Variants in TMC7 observed in about 807,000 individuals in gnomAD.
TMC7 encodes the protein transmembrane channel like 7, also known as transmembrane channel-like protein 7.
TMC7 carries 54 observed loss-of-function variants against 82.9 expected under a neutral mutation model. The ratio of observed to expected loss-of-function variants is 0.65; its 90% CI spans 0.52 to 0.82. The LOEUF (loss-of-function observed/expected upper bound fraction) is 0.82, where lower values mean the gene tolerates loss of function less well. Among genes scored for constraint, TMC7 ranks in the 40% least tolerant of loss-of-function variants. TMC7 has a pLI of 0.00. For synonymous variants in TMC7, 350 were observed against 337.9 expected (o/e 1.04, Z -0.39); for missense variants, 820 against 901.2 (o/e 0.91, Z 1.15).
At chr16:19,019,039 A>G (rs12149179) in intron 3 of TMC7, among the ~76,000 whole-genome samples, 53,023 of 152,036 alleles carry the variant, frequency 0.35, 9,694 homozygotes, top group African/African-American at 0.44. Context: ...TAGTAGAGAC[A>G]GGGTTTCACC....
In TMC7 at chr16:19,051,115, C is replaced by T. The variant is rs550944199; in HGVS notation, c.1741-571C>T. ...TATTCCGTGTTATCAATGACTGTAGCGTTAAACATCCACATACCTGTGTTT... is the reference window on the plus strand; with the variant it reads ...TATTCCGTGTTATCAATGACTGTAGTGTTAAACATCCACATACCTGTGTTT... On this transcript the variant is annotated intron_variant, in intron 12 of 15. Coordinates refer to ENST00000304381, the MANE Select transcript of TMC7 (RefSeq NM_024847.4). 7.2e-5 allele frequency among the ~76,000 whole-genome samples: 11 copies of T among 152,076 alleles called. No individual in the cohort carries two copies. The South Asian group carries it at 1.9e-3, about 26-fold the overall frequency.
chr16:18,990,389 C>T (rs1196012114), intron 1 of TMC7, among the ~76,000 whole-genome samples: 1 of 152,148 alleles, frequency 6.6e-6, no homozygotes, highest in Non-Finnish European at 1.5e-5. Flanking sequence ...CTGCCTCCTG[C>T]GTTCAAGCAA....
At chr16:19,026,256 C>CATG (rs1960221943) in intron 5 of TMC7, among the ~76,000 whole-genome samples, 1 of 151,622 alleles carries the variant, frequency 6.6e-6, no homozygotes, top group Non-Finnish European at 1.5e-5. Context: ...GCGGGTGGAT[C>CATG]ATGAGGTCAG....
At chr16:19,035,928 G>A in intron 7 of TMC7, 105 bp downstream of exon 7, 1 of 1,346,360 alleles carries the variant, frequency 7.4e-7, no homozygotes, top group Non-Finnish European at 1.0e-6. Flanking sequence ...GGGACAGGTT[G>A]TCCCTGGTAC....
At chr16:19,055,580 T>A (rs1049031848) in intron 13 of TMC7, among the ~76,000 whole-genome samples, 15 of 152,066 alleles carry the variant, frequency 9.9e-5, no homozygotes, top group African/African-American at 3.6e-4. Flanking sequence ...TTGGCCTCCA[T>A]CTCCTGACCT....
chr16:19,013,719 A>G (rs1473646636), intron 2 of TMC7, among the ~76,000 whole-genome samples: 76 of 151,582 alleles, frequency 5.0e-4, no homozygotes, highest in Non-Finnish European at 4.4e-5. Flanking sequence ...GGGTTTCACC[A>G]TGTTGGTTAG....
intron 13 of TMC7, among the ~76,000 whole-genome samples, chr16:19,052,839 A>G (rs1961598264): frequency 6.6e-6 from 1 of 151,964 alleles, no homozygotes; most frequent in South Asian, 2.1e-4. Context: ...CAGCCTCCCA[A>G]GTAGCTGGGA....
At chr16:19,037,843 T>C (rs1305705162) in intron 7 of TMC7, 31 bp from the exon 8 acceptor site, 2 of 1,598,904 alleles carry the variant, frequency 1.3e-6, no homozygotes, top group African/African-American at 1.3e-5. Flanking sequence ...TTCATCCCAC[T>C]GCTCACAAGT....
rs773576082 is a variant in TMC7, at chr16:19,009,285, A to G, written c.181A>G (p.Lys61Glu). The G allele has an allele frequency of 1.2e-6, 2 of 1,614,086 alleles. No homozygotes were observed. The highest frequency in any genetic ancestry group is 1.7e-6 in the Non-Finnish European group (2 of 1,180,056). ...RRRTTVHSRD[K>E]QSGTLLKPTD... ...GAGAACGACTGTCCATTCCCGGGAC[A>G]AGCAAAGCGGAACTTTGCTAAAGCC... is the stretch of plus-strand genomic sequence containing the variant. Residue 61 changes from lysine (K) to glutamate (E), a missense_variant, in exon 2 of 16, where the codon AAG (lysine) becomes GAG (glutamate). This residue lies in a region of TMC7 where 650 missense variants were observed against 669.9 expected (regional missense o/e 0.97). Coordinates refer to ENST00000304381, the MANE Select transcript of TMC7 (RefSeq NM_024847.4).
At chr16:19,027,333 C>T (rs1960283813) in intron 5 of TMC7, among the ~76,000 whole-genome samples, 1 of 152,048 alleles carries the variant, frequency 6.6e-6, no homozygotes, top group Non-Finnish European at 1.5e-5. Flanking sequence ...TCCGAAAGTG[C>T]TGGGATTACA....
intron 12 of TMC7, among the ~76,000 whole-genome samples, chr16:19,050,818 T>G (rs1961504609): frequency 6.6e-6 from 1 of 152,110 alleles, no homozygotes; most frequent in African/African-American, 2.4e-5. Flanking sequence ...TCTTTAGGAC[T>G]GTATGGTATT....
At chr16:19,015,406 C>T (rs1356156127) in intron 2 of TMC7, among the ~76,000 whole-genome samples, 1 of 151,218 alleles carries the variant, frequency 6.6e-6, no homozygotes, top group Non-Finnish European at 1.5e-5. Flanking sequence ...AGATTACAGG[C>T]ATGAGCCACT....
chr16:18,992,283 G>T (rs1202305864), intron 1 of TMC7, among the ~76,000 whole-genome samples: 1 of 152,110 alleles, frequency 6.6e-6, no homozygotes, highest in Non-Finnish European at 1.5e-5. Context: ...TTTAATGATG[G>T]CCATTCTAAC....
At chr16:19,019,123 TA>T (rs1302903623) in intron 3 of TMC7, among the ~76,000 whole-genome samples, 2 of 152,226 alleles carry the variant, frequency 1.3e-5, no homozygotes, top group Non-Finnish European at 2.9e-5. Context: ...ATGCTGGGAT[TA>T]CAGGCGTGAG....
chr16:19,012,846 A>C (rs1338157580), intron 2 of TMC7, among the ~76,000 whole-genome samples: 1 of 149,430 alleles, frequency 6.7e-6, no homozygotes, highest in Non-Finnish European at 1.5e-5. Flanking sequence ...GGACACAGAA[A>C]GGAGAAAGGA....
Position 18,985,852 on chromosome 16 carries a change from G to A in TMC7, c.67+1722G>A, listed in dbSNP as rs546242002. 2.0e-4 allele frequency among the ~76,000 whole-genome samples: 30 copies of A among 152,030 alleles called. No homozygotes were observed. The East Asian group carries it at 4.8e-3, about 25-fold the overall frequency. The stretch of plus-strand genomic sequence containing the variant: ...GGGTGGGGCGGGGGATGGGGGAGGC[G>A]ACAAATGAGGTCTGGTTTAAAGAAT... On this transcript the variant is annotated intron_variant, in intron 1 of 15. Coordinates refer to ENST00000304381, the MANE Select transcript of TMC7 (RefSeq NM_024847.4).
intron 8 of TMC7, among the ~76,000 whole-genome samples, chr16:19,038,462 T>C (rs1960859345): frequency 6.6e-6 from 1 of 152,146 alleles, no homozygotes; most frequent in Non-Finnish European, 1.5e-5. Context: ...CCCAAAGTGC[T>C]GGGATTACAG....
intron 3 of TMC7, among the ~76,000 whole-genome samples, chr16:19,020,757 C>T (rs922239385): frequency 2.6e-5 from 4 of 151,698 alleles, no homozygotes; most frequent in African/African-American, 7.3e-5. Flanking sequence ...GAGGCTAAGG[C>T]GTGAGAATTC....
intron 5 of TMC7, among the ~76,000 whole-genome samples, chr16:19,029,115 C>T (rs1596763523): frequency 6.6e-6 from 1 of 151,586 alleles, no homozygotes; most frequent in African/African-American, 2.4e-5. Flanking sequence ...ACACCATTCT[C>T]CTGCTTCAGC....
Sources: allele counts gnomAD v4.1 joint callset (sites outside exome capture counted in the v4.1 genomes callset), GRCh38; gene constraint gnomAD v4.1.1; regional missense constraint gnomAD v4.1.1; transcripts MANE v1.5; gene names NCBI Gene and HGNC (gene_info 2026-07-23, HGNC 2026-07-21).